Variants in TMEM50B observed in about 807,000 individuals in gnomAD.
The protein encoded by TMEM50B is transmembrane protein 50B, also known as HCV p7-trans-regulated protein 3.
TMEM50B carries 14 observed loss-of-function variants against 23.4 expected under a neutral mutation model. The ratio of observed to expected loss-of-function variants is 0.60; its 90% CI spans 0.39 to 0.93. The LOEUF (loss-of-function observed/expected upper bound fraction) is 0.93, where lower values mean the gene tolerates loss of function less well. Among genes scored for constraint, TMEM50B ranks in the 40% least tolerant of loss-of-function variants. TMEM50B has a pLI of 0.00. For synonymous variants in TMEM50B, 64 were observed against 62.3 expected (o/e 1.03, Z -0.13); for missense variants, 159 against 193.0 (o/e 0.82, Z 1.04).
chr21:33,448,802 A>G (rs8134061), downstream of TMEM50B: 36,291 of 151,730 alleles, frequency 0.24, 4,667 homozygotes, highest in East Asian at 0.42. Context: ...AGCTGCTTGG[A>G]AAGCGGAGGT....
At chr21:33,433,310 A>C (rs1237835902) in intron 8 of TMEM50B, among the ~76,000 whole-genome samples, 1 of 152,156 alleles carries the variant, frequency 6.6e-6, no homozygotes, top group East Asian at 1.9e-4. Flanking sequence ...TTGTTTGTAC[A>C]CCCATGTTCA....
chr21:33,447,681 TACACACACAC>T (rs764155101), downstream of TMEM50B, among the ~76,000 whole-genome samples: 39 of 132,034 alleles, frequency 3.0e-4, no homozygotes, highest in Admixed American at 2.3e-4. Context: ...TGTATAGAAA[TACACACACAC>T]ACACACACAC....
chr21:33,465,457 A>G, intron 3 of TMEM50B, 48 bp from the exon 4 acceptor site: 1 of 1,404,968 alleles, frequency 7.1e-7, no homozygotes, highest in South Asian at 1.2e-5. Context: ...TCGCTGTTAA[A>G]ATACTCAAAT....
At chr21:33,434,832 A>C (rs928251510) in intron 8 of TMEM50B, among the ~76,000 whole-genome samples, 2 of 152,158 alleles carry the variant, frequency 1.3e-5, no homozygotes, top group African/African-American at 4.8e-5. Flanking sequence ...TTGCAGTAAT[A>C]ATCTCTCTCT....
chr21:33,437,698 C>T (rs1236868094), intron 8 of TMEM50B, among the ~76,000 whole-genome samples: 1 of 152,110 alleles, frequency 6.6e-6, no homozygotes, highest in African/African-American at 2.4e-5. Flanking sequence ...ATAAAGAAGG[C>T]CAGGGCCTAG....
At chr21:33,462,734 G>T (rs2084228057) in intron 4 of TMEM50B, among the ~76,000 whole-genome samples, 1 of 152,196 alleles carries the variant, frequency 6.6e-6, no homozygotes, top group African/African-American at 2.4e-5. Flanking sequence ...AAAGAAAAAT[G>T]ATGGAGTACA....
rs189807463 is a variant in TMEM50B, at chr21:33,437,228, T to C, written c.*2120+1986A>G. 2.9e-4 allele frequency: 126 copies of C among 429,612 alleles called. 1 individual carries two copies. The highest frequency in any genetic ancestry group is 2.3e-3 in the African/African-American group (117 of 49,936). The allele number at this position is 429,612 out of a possible 1,614,324, so 26.6% of individuals were successfully genotyped here. A position where few individuals can be genotyped will look rare whatever the true frequency, so the allele number is the denominator to read the frequency against. The stretch of plus-strand genomic sequence containing the variant: ...GCTTCTCTTAAACACTAAAAAGGCA[T>C]GTAATTGCTTGTTAGCAAAATGGAT... On this transcript the variant is annotated intron_variant and NMD_transcript_variant, in intron 8 of 8. Transcript: ENST00000420455.
At chr21:33,439,807 A>G (rs35573407) in intron 7 of TMEM50B, among the ~76,000 whole-genome samples, 151,968 of 152,020 alleles carry the variant, frequency 1, 75,958 homozygotes, top group Middle Eastern at 1. Context: ...GAGCACTTTG[A>G]GACCCTGAGG....
At chr21:33,446,224 A>G (rs985766738), downstream of TMEM50B, among the ~76,000 whole-genome samples, 1 of 141,500 alleles carries the variant, frequency 7.1e-6, no homozygotes, top group Admixed American at 7.6e-5. Flanking sequence ...TTTTTCTTTT[A>G]TTTTTTTTAT....
intron 6 of TMEM50B, among the ~76,000 whole-genome samples, chr21:33,451,440 T>C (rs898714229): frequency 1.3e-5 from 2 of 151,966 alleles, no homozygotes; most frequent in East Asian, 3.8e-4. Flanking sequence ...ATTCCACCTA[T>C]AAAAAAATGC....
At chr21:33,436,996 GA>G (rs2083961531) in intron 8 of TMEM50B, 4 of 1,612,372 alleles carry the variant, frequency 2.5e-6, no homozygotes, top group Non-Finnish European at 3.4e-6. Flanking sequence ...TGGCTCCCTG[GA>G]AGAGATCAAG....
At chr21:33,437,907 T>C (rs1475234024) in intron 8 of TMEM50B, among the ~76,000 whole-genome samples, 1 of 148,910 alleles carries the variant, frequency 6.7e-6, no homozygotes, top group Non-Finnish European at 1.5e-5. Flanking sequence ...TGCTTTAGCC[T>C]GGGAGGCGGA....
chr21:33,445,433 T>C (rs1334573343), downstream of TMEM50B, among the ~76,000 whole-genome samples: 1 of 152,288 alleles, frequency 6.6e-6, no homozygotes, highest in Non-Finnish European at 1.5e-5. Flanking sequence ...CTTGTTTTTC[T>C]TAGCATGGCA....
At chr21:33,444,448 GGA>G (rs1211101330), downstream of TMEM50B, among the ~76,000 whole-genome samples, 1 of 152,042 alleles carries the variant, frequency 6.6e-6, no homozygotes, top group Non-Finnish European at 1.5e-5. Flanking sequence ...AGGAGACTGA[GGA>G]GAGAGGATCT....
At chr21:33,446,236 T>TTTTA (rs2084052350), downstream of TMEM50B, among the ~76,000 whole-genome samples, 1 of 138,238 alleles carries the variant, frequency 7.2e-6, no homozygotes, top group African/African-American at 2.6e-5. Flanking sequence ...TTTTTTTATT[T>TTTTA]TTTATTTTTT....
intron 4 of TMEM50B, 39 bp from the exon 5 acceptor site, chr21:33,460,544 G>C (rs2084208237): frequency 7.4e-7 from 1 of 1,350,962 alleles, no homozygotes; most frequent in Non-Finnish European, 1.0e-6. Context: ...GTTCATTTTT[G>C]CAGCTCTGTA....
Position 33,465,545 on chromosome 21 carries a change from C to G in TMEM50B, c.213-136G>C, listed in dbSNP as rs1474036293. Reference sequence around the variant, plus strand: ...TCTGAATAATTTAACATATTTTTAACCTAATAAAAATGCTAGTTGATAGAA... The same window carrying G: ...TCTGAATAATTTAACATATTTTTAAGCTAATAAAAATGCTAGTTGATAGAA... On this transcript the variant is annotated intron_variant, in intron 3 of 6. Coordinates refer to ENST00000542230, the MANE Select transcript of TMEM50B (RefSeq NM_006134.7). 5 of 622,692 alleles carry G rather than the reference C, an allele frequency of 8.0e-6. No homozygotes were observed. In the African/African-American group the frequency reaches 9.5e-5, roughly 12 times the overall value. The allele number at this position is 622,692 out of a possible 1,614,324, so 38.6% of individuals were successfully genotyped here. A position where few individuals can be genotyped will look rare whatever the true frequency, so the allele number is the denominator to read the frequency against.
intron 6 of TMEM50B, among the ~76,000 whole-genome samples, chr21:33,454,927 G>C (rs917957090): frequency 6.6e-6 from 1 of 152,006 alleles, no homozygotes; most frequent in Non-Finnish European, 1.5e-5. Flanking sequence ...GACCACTCTG[G>C]GCAATATGGT....
In TMEM50B at chr21:33,479,793, C is replaced by T. The variant is rs2276224; in HGVS notation, c.-42+45G>A. On this transcript the variant is annotated intron_variant, in intron 1 of 6. Coordinates refer to ENST00000542230, the MANE Select transcript of TMEM50B (RefSeq NM_006134.7). The stretch of plus-strand genomic sequence containing the variant: ...CTTACGCGCGGGCGGCGGGCGCGAG[C>T]CCTCTACGGTTGCCTGGCGCCGGAG... The T allele has an allele frequency of 6.8e-3, 1,039 of 152,534 alleles. 12 individuals carry two copies. Among genetic ancestry groups the T allele is most frequent in the East Asian group, 0.015 (78 of 5,182 alleles). The allele number at this position is 152,534 out of a possible 1,614,324, so 9.4% of individuals were successfully genotyped here.
Sources: allele counts gnomAD v4.1 joint callset (sites outside exome capture counted in the v4.1 genomes callset), GRCh38; gene constraint gnomAD v4.1.1; transcripts MANE v1.5; gene names NCBI Gene and HGNC (gene_info 2026-07-23, HGNC 2026-07-21).